Variants in CCDC57 observed in about 807,000 individuals in gnomAD.
The protein encoded by CCDC57 is coiled-coil domain-containing protein 57.
In CCDC57, 118 loss-of-function variants were observed where a neutral mutation model predicts 118.9. The ratio of observed to expected loss-of-function variants is 0.99; its 90% CI spans 0.86 to 1.16. CCDC57 has a LOEUF of 1.16. Among genes scored for constraint, CCDC57 ranks in the 50% most tolerant of loss-of-function variants. CCDC57 has a pLI of 0.00. For missense variants in CCDC57, 1,300 were observed against 1,320.7 expected (o/e 0.98, Z 0.24); for synonymous variants, 527 against 532.9 (o/e 0.99, Z 0.15).
At chr17:82,117,499 G>A (rs2036071438) in intron 19 of CCDC57, among the ~76,000 whole-genome samples, 1 of 152,124 alleles carries the variant, frequency 6.6e-6, no homozygotes, top group African/African-American at 2.4e-5. Flanking sequence ...TTAGCCAGGT[G>A]TGGTGGTACG....
chr17:82,209,206 C>T (rs527305713), intron 1 of CCDC57, among the ~76,000 whole-genome samples: 164 of 152,134 alleles, frequency 1.1e-3, no homozygotes, highest in South Asian at 3.1e-3. Flanking sequence ...AAGAGGGGCA[C>T]CACTACCACG....
intron 1 of CCDC57, among the ~76,000 whole-genome samples, chr17:82,211,064 G>A (rs950522760): frequency 2.7e-5 from 4 of 150,862 alleles, no homozygotes; most frequent in Non-Finnish European, 1.5e-5. Flanking sequence ...TTACATAGTG[G>A]CAAGATATTT....
chr17:82,190,002 C>T (rs1222033470), intron 7 of CCDC57, among the ~76,000 whole-genome samples: 1 of 151,824 alleles, frequency 6.6e-6, no homozygotes, highest in African/African-American at 2.4e-5. Context: ...AAGAGTGAAA[C>T]TCTGTCTCAA....
intron 3 of CCDC57, among the ~76,000 whole-genome samples, chr17:82,198,928 G>A (rs1470796742): frequency 6.7e-6 from 1 of 148,982 alleles, no homozygotes; most frequent in South Asian, 2.1e-4. Context: ...GGGAGGTGGA[G>A]CTTGCAGTGA....
chr17:82,102,148 T>A (rs1401778297), intron 19 of CCDC57, among the ~76,000 whole-genome samples: 1 of 152,166 alleles, frequency 6.6e-6, no homozygotes, highest in East Asian at 1.9e-4. Flanking sequence ...GGTCCTGTTG[T>A]GACCATTTCG....
Position 82,212,619 on chromosome 17 carries a change from C to T in CCDC57, c.-211+166G>A, listed in dbSNP as rs1023566717. ...GCCGCAGCCTCCGCGAGGGGATCCC[C>T]GGTCCGGGCCTGGCCGAGCTCTGAG... On this transcript the variant is annotated intron_variant, in intron 1 of 19. Transcript: ENST00000665763. This position sits in a 1 kb window ranked among gnomAD's most constrained non-coding sequence, Gnocchi z 4.1. 6.6e-6 allele frequency among the ~76,000 whole-genome samples: 1 copy of T among 151,982 alleles called. No homozygotes were observed. The highest frequency in any genetic ancestry group is 2.4e-5 in the African/African-American group (1 of 41,414).
rs1200619971 is a variant in CCDC57 at position 82,188,019 on chromosome 17, G to A, written c.1052+200C>T. The stretch of plus-strand genomic sequence containing the variant: ...AAATAGATGAATGCACACACACATA[G>A]AAACTACACAATTTCAAAAATAAAG... On this transcript the variant is annotated intron_variant, in intron 8 of 19. Transcript: ENST00000665763. Among the ~76,000 whole-genome samples the A allele has an allele frequency of 3.5e-5, 5 of 142,124 alleles. No homozygotes were observed. The South Asian group carries it at 1.1e-3, about 32-fold the overall frequency. 93.2% of individuals were successfully genotyped at this position (142,124 alleles called of 152,430 possible).
chr17:82,107,726 A>G lies in CCDC57; in HGVS notation c.2900-5860T>C, dbSNP rs1212618549. The G allele has an allele frequency of 9.9e-6, 4 of 405,296 alleles. No individual in the cohort carries two copies. The Admixed American group carries it at 1.0e-4, about 11-fold the overall frequency. 25.1% of individuals were successfully genotyped at this position (405,296 alleles called of 1,614,324 possible). A position where few individuals can be genotyped will look rare whatever the true frequency, so the allele number is the denominator to read the frequency against. ...TGGCAACACCTGCCACGTGGACTGG[A>G]GAAGACACATTAGCCCTTGGGCTGG... On this transcript the variant is annotated intron_variant, in intron 19 of 19. Transcript: ENST00000665763.
chr17:82,203,794 C>T (rs2049269830), intron 2 of CCDC57, among the ~76,000 whole-genome samples: 1 of 152,198 alleles, frequency 6.6e-6, no homozygotes, highest in Non-Finnish European at 1.5e-5. Context: ...GGGGGACAAG[C>T]ACAAACTTCC....
At chr17:82,150,065 A>G (rs113496249) in intron 16 of CCDC57, among the ~76,000 whole-genome samples, 23,333 of 63,862 alleles carry the variant, frequency 0.37, 5,683 homozygotes, top group East Asian at 0.85. Flanking sequence ...AGAACCAGGC[A>G]CACACTCAGA....
At chr17:82,112,162 C>G (rs745355455) in intron 19 of CCDC57, 1 of 152,028 alleles carries the variant, frequency 6.6e-6, no homozygotes, top group African/African-American at 2.4e-5. Context: ...TTAGTAGAGA[C>G]GGGGTTTTAC....
chr17:82,104,186 C>CG (rs955498518), intron 19 of CCDC57, among the ~76,000 whole-genome samples: 8 of 152,258 alleles, frequency 5.3e-5, no homozygotes, highest in African/African-American at 1.7e-4. Context: ...CCCGCCTTCT[C>CG]GCCTGACCTG....
chr17:82,109,293 G>A (rs1229567146), intron 19 of CCDC57, among the ~76,000 whole-genome samples: 2 of 152,270 alleles, frequency 1.3e-5, no homozygotes, highest in Non-Finnish European at 2.9e-5. Flanking sequence ...GCGCATGCCT[G>A]CGAGGGGCCT....
intron 16 of CCDC57, among the ~76,000 whole-genome samples, chr17:82,150,773 TCAGAACCTGGTGCACAC>T (rs2041860023): frequency 5.8e-5 from 1 of 17,184 alleles, no homozygotes; most frequent in Non-Finnish European, 1.1e-4. Flanking sequence ...AGGCGCACAC[TCAGAACCTGGTGCACAC>T]CCAGAACCTG....
intron 15 of CCDC57, chr17:82,156,122 C>G (rs532921879): frequency 2.0e-5 from 3 of 152,096 alleles, no homozygotes; most frequent in Admixed American, 2.0e-4. Context: ...ATGGTGAAAC[C>G]CTGTCTCTAC....
intron 19 of CCDC57, among the ~76,000 whole-genome samples, chr17:82,119,225 C>T (rs896941693): frequency 1.3e-5 from 2 of 151,980 alleles, no homozygotes; most frequent in Admixed American, 1.3e-4. Context: ...ATATTTAATG[C>T]TTCCATCCAG....
chr17:82,175,646 T>C (rs564248574), intron 11 of CCDC57: 11 of 152,352 alleles, frequency 7.2e-5, no homozygotes, highest in Non-Finnish European at 1.3e-4. Context: ...CATATGTTGA[T>C]TGATGTCTCC....
intron 19 of CCDC57, among the ~76,000 whole-genome samples, chr17:82,103,378 G>A (rs948277009): frequency 6.6e-6 from 1 of 152,120 alleles, no homozygotes; most frequent in Non-Finnish European, 1.5e-5. Flanking sequence ...ACCCCCAGAG[G>A]AATTCCTCCT....
At chr17:82,193,392 C>A (rs1388940948) in intron 7 of CCDC57, among the ~76,000 whole-genome samples, 1 of 152,010 alleles carries the variant, frequency 6.6e-6, no homozygotes, top group Non-Finnish European at 1.5e-5. Flanking sequence ...ACTAAAAATA[C>A]AAAAATTAGC....
Sources: gnomAD v4.1 joint callset for allele counts (sites outside exome capture counted in the v4.1 genomes callset) on GRCh38, gnomAD v4.1.1 for gene constraint, Gnocchi (gnomAD v3.1) non-coding constraint, MANE v1.5 for transcripts, NCBI Gene and HGNC (gene_info 2026-07-23, HGNC 2026-07-21) for gene names.